Variants in IGSF21 observed in about 807,000 individuals in gnomAD.
The protein encoded by IGSF21 is immunoglobin superfamily member 21.
A neutral mutation model predicts 46.8 loss-of-function variants in IGSF21; 28 were observed. The ratio of observed to expected loss-of-function variants is 0.60; its 90% CI spans 0.44 to 0.82. The LOEUF (loss-of-function observed/expected upper bound fraction) is 0.82. IGSF21 is among the 40% of genes least tolerant of loss of function. The pLI, the probability that IGSF21 is intolerant of heterozygous loss-of-function variation, is 0.00. For missense variants in IGSF21, 624 were observed against 665.5 expected (o/e 0.94, Z 0.69); for synonymous variants, 284 against 273.6 (o/e 1.04, Z -0.38).
chr1:18,120,418 C>T (rs2086225001), intron 1 of IGSF21, among the ~76,000 whole-genome samples: 2 of 152,136 alleles, frequency 1.3e-5, no homozygotes, highest in Admixed American at 1.3e-4. Flanking sequence ...TGATCAAACC[C>T]TATTGAAAGC....
chr1:18,115,840 AG>A (rs2086183005), intron 1 of IGSF21: 1 of 94,376 alleles, frequency 1.1e-5, no homozygotes, highest in East Asian at 4.2e-4. Flanking sequence ...GAAGGAAGGA[AG>A]GAAGAAAGAA....
intron 2 of IGSF21, among the ~76,000 whole-genome samples, chr1:18,280,951 C>T (rs1335863241): frequency 6.6e-6 from 1 of 152,198 alleles, no homozygotes; most frequent in South Asian, 2.1e-4. Context: ...CCGGCCTGCA[C>T]GCCAGTGCCA....
intron 2 of IGSF21, among the ~76,000 whole-genome samples, chr1:18,248,785 T>C (rs1041317529): frequency 1.3e-5 from 2 of 152,160 alleles, no homozygotes; most frequent in Middle Eastern, 6.8e-3. Context: ...AGACTAAATA[T>C]AGCGTTGAAC....
At chr1:18,204,419 G>A (rs1373707871) in intron 1 of IGSF21, among the ~76,000 whole-genome samples, 2 of 152,176 alleles carry the variant, frequency 1.3e-5, no homozygotes, top group Non-Finnish European at 2.9e-5. Flanking sequence ...TCTAAAACGA[G>A]CCAGGACAGG....
At chr1:18,121,283 T>C (rs1052067909) in intron 1 of IGSF21, among the ~76,000 whole-genome samples, 1 of 152,162 alleles carries the variant, frequency 6.6e-6, no homozygotes, top group African/African-American at 2.4e-5. Context: ...TAGAGGGACC[T>C]AAAGGAGTAG....
At chr1:18,267,437 C>T (rs1033758394) in intron 2 of IGSF21, among the ~76,000 whole-genome samples, 2 of 152,158 alleles carry the variant, frequency 1.3e-5, no homozygotes, top group African/African-American at 4.8e-5. Flanking sequence ...CTCTACCCTG[C>T]CCTGGCCTCC....
chr1:18,151,686 C>G (rs1049820440), intron 1 of IGSF21, among the ~76,000 whole-genome samples: 4 of 152,098 alleles, frequency 2.6e-5, no homozygotes, highest in African/African-American at 9.7e-5. Flanking sequence ...TTCCCTGCTT[C>G]CATGGACCAC....
At chr1:18,278,760 T>G in intron 2 of IGSF21, 3 of 460,748 alleles carry the variant, frequency 6.5e-6, no homozygotes, top group South Asian at 4.7e-5. Context: ...TTCACCATGT[T>G]GCCCAGGCTG....
At position 18,109,961 on chromosome 1, in the gene IGSF21, T is replaced by C. The variant is rs543247375; in HGVS notation, c.70+1763T>C. On this transcript the variant is annotated intron_variant, in intron 1 of 9. Transcript: ENST00000251296. This position sits in a 1 kb window ranked among gnomAD's most constrained non-coding sequence, Gnocchi z 4.8. ...GGAGAGGACTGATGAGAAGGGCTTGTTGGGAAACCCTGGCTCCGTCAGGAC... is the reference window on the plus strand; with the variant it reads ...GGAGAGGACTGATGAGAAGGGCTTGCTGGGAAACCCTGGCTCCGTCAGGAC... 1.3e-5 allele frequency: 2 copies of C among 152,348 alleles called. No homozygotes were observed. Among genetic ancestry groups the C allele is most frequent in the Admixed American group, 6.5e-5 (1 of 15,302 alleles). The allele number at this position is 152,348 out of a possible 1,614,324, so 9.4% of individuals were successfully genotyped here.
rs1253264995 is a variant in IGSF21 at position 18,273,445 on chromosome 1, A to T, written c.184-18421A>T. On this transcript the variant is annotated intron_variant, in intron 2 of 9. Coordinates refer to ENST00000251296, the MANE Select transcript of IGSF21 (RefSeq NM_032880.5). Reference sequence around the variant, plus strand: ...CTTTCCTTTCCTTTCTTTCTTTCTCACTTTCTTTCTTTCTCTCTCTTTCTT... The same window carrying T: ...CTTTCCTTTCCTTTCTTTCTTTCTCTCTTTCTTTCTTTCTCTCTCTTTCTT... Among the ~76,000 whole-genome samples the T allele has an allele frequency of 8.6e-3, 344 of 39,928 alleles. 9 individuals are homozygous for T. The highest frequency in any genetic ancestry group is 0.03 in the African/African-American group (223 of 7,480). 26.2% of individuals were successfully genotyped at this position (39,928 alleles called of 152,430 possible).
chr1:18,220,883 C>A (rs1557593760), intron 1 of IGSF21, among the ~76,000 whole-genome samples: 2 of 152,108 alleles, frequency 1.3e-5, no homozygotes, highest in Non-Finnish European at 2.9e-5. Flanking sequence ...GTGAGAGGTG[C>A]CAGAGGAACC....
At chr1:18,299,272 A>C (rs748153381) in intron 3 of IGSF21, among the ~76,000 whole-genome samples, 2 of 152,276 alleles carry the variant, frequency 1.3e-5, no homozygotes, top group Non-Finnish European at 2.9e-5. Context: ...GAATCTGTTC[A>C]AATGAAAAAA....
At chr1:18,212,057 G>C (rs1015380452) in intron 1 of IGSF21, among the ~76,000 whole-genome samples, 15 of 152,248 alleles carry the variant, frequency 9.9e-5, no homozygotes, top group African/African-American at 3.6e-4. Flanking sequence ...CAGCTGATGG[G>C]GGTGGAGGGG....
Position 18,109,677 on chromosome 1 carries a change from G to C in IGSF21, c.70+1479G>C, listed in dbSNP as rs906270088. 1.2e-4 allele frequency: 18 copies of C among 152,182 alleles called. No individual in the cohort carries two copies. The highest frequency in any genetic ancestry group is 4.1e-4 in the African/African-American group (17 of 41,446). The allele number at this position is 152,182 out of a possible 1,614,324, so 9.4% of individuals were successfully genotyped here. The stretch of plus-strand genomic sequence containing the variant: ...AGAAGGAATGCAAACCCTGTACTTT[G>C]TTCCCCTACCCTTGGAACAAGAGAC... On this transcript the variant is annotated intron_variant, in intron 1 of 9. Coordinates refer to ENST00000251296, the MANE Select transcript of IGSF21 (RefSeq NM_032880.5). This position sits in a 1 kb window ranked among gnomAD's most constrained non-coding sequence, Gnocchi z 4.8.
intron 2 of IGSF21, among the ~76,000 whole-genome samples, chr1:18,255,776 T>C (rs2084886567): frequency 6.6e-6 from 1 of 152,144 alleles, no homozygotes; most frequent in Non-Finnish European, 1.5e-5. Flanking sequence ...CTCTCTTCAA[T>C]GTGCCTGCTC....
rs767013694 is a variant in IGSF21 at position 18,273,462 on chromosome 1, C to CTCTCTTTCTTT, written c.184-18401_184-18400insCTTTCTTTTCT. ...TCTTTCTCACTTTCTTTCTTTCTCT[C>CTCTCTTTCTTT]TCTTTCTTTCTTTCTTTCTTTCTTT... On this transcript the variant is annotated intron_variant, in intron 2 of 9. Coordinates refer to ENST00000251296, the MANE Select transcript of IGSF21 (RefSeq NM_032880.5). Among the ~76,000 whole-genome samples, 135 of 61,928 alleles carry CTCTCTTTCTTT rather than the reference C, an allele frequency of 2.2e-3. 12 individuals are homozygous for CTCTCTTTCTTT. Among genetic ancestry groups the CTCTCTTTCTTT allele is most frequent in the African/African-American group, 9.5e-3 (118 of 12,470 alleles). The allele number at this position is 61,928 out of a possible 152,430, so 40.6% of individuals were successfully genotyped here. A position where few individuals can be genotyped will look rare whatever the true frequency, so the allele number is the denominator to read the frequency against.
intron 2 of IGSF21, among the ~76,000 whole-genome samples, chr1:18,273,458 C>CTT (rs1336491699): frequency 0.024 from 1,132 of 47,432 alleles, 120 homozygotes; most frequent in African/African-American, 0.094. Flanking sequence ...TTCTTTCTTT[C>CTT]TCTCTCTTTC....
At chr1:18,112,829 G>A (rs2086155387) in intron 1 of IGSF21, 2 of 152,226 alleles carry the variant, frequency 1.3e-5, no homozygotes, top group East Asian at 1.9e-4. Context: ...GGCATCTGCT[G>A]TGGGCAGGGC....
chr1:18,174,450 C>T (rs776710893), intron 1 of IGSF21, among the ~76,000 whole-genome samples: 4 of 152,146 alleles, frequency 2.6e-5, no homozygotes, highest in African/African-American at 7.2e-5. Flanking sequence ...TCTGAAGGCT[C>T]GAGGAAGAGG....
Sources: gnomAD v4.1 joint callset for allele counts (sites outside exome capture counted in the v4.1 genomes callset) on GRCh38, gnomAD v4.1.1 for gene constraint, Gnocchi (gnomAD v3.1) non-coding constraint, MANE v1.5 for transcripts, NCBI Gene and HGNC (gene_info 2026-07-23, HGNC 2026-07-21) for gene names.